Variants in FAM81A observed in about 807,000 individuals in gnomAD.
The protein encoded by FAM81A is protein FAM81A.
FAM81A carries 19 observed loss-of-function variants against 46.7 expected under a neutral mutation model. That is an observed-to-expected ratio of 0.41 (90% confidence interval 0.28 to 0.60). FAM81A has a LOEUF of 0.60. Among genes scored for constraint, FAM81A ranks in the 20% least tolerant of loss-of-function variants. The pLI, the probability that FAM81A is intolerant of heterozygous loss-of-function variation, is 0.34. For missense variants in FAM81A, 377 were observed against 453.5 expected (o/e 0.83, Z 1.53); for synonymous variants, 183 against 152.9 (o/e 1.20, Z -1.45).
intron 2 of FAM81A, among the ~76,000 whole-genome samples, chr15:59,426,970 A>T (rs28890483): frequency 6.6e-6 from 1 of 152,108 alleles, no homozygotes; most frequent in Non-Finnish European, 1.5e-5. Flanking sequence ...ACATATCACT[A>T]GTTCATCTAT....
At chr15:59,398,078 A>G (rs1052588977) in intron 1 of FAM81A, among the ~76,000 whole-genome samples, 12 of 152,170 alleles carry the variant, frequency 7.9e-5, no homozygotes, top group African/African-American at 1.7e-4. Context: ...CCTAGCGACT[A>G]TCAAGCCCGA....
intron 3 of FAM81A, among the ~76,000 whole-genome samples, chr15:59,466,664 C>T (rs1420088217): frequency 6.6e-6 from 1 of 152,100 alleles, no homozygotes; most frequent in Non-Finnish European, 1.5e-5. Context: ...GTTGCCTGTT[C>T]ACTCTGATGG....
In FAM81A at chr15:59,507,307, A is replaced by G; in HGVS notation, c.508A>G (p.Ile170Val). 6.2e-7 allele frequency: 1 copy of G among 1,612,678 alleles called. No individual in the cohort carries two copies. The change falls in exon 5 of 9, where the codon ATC becomes GTC. Residue 170 changes from isoleucine to valine, a missense_variant. Ile to Val is a conservative substitution (Grantham distance 29). Coordinates refer to ENST00000288228, the MANE Select transcript of FAM81A (RefSeq NM_152450.3). Reference protein sequence around the residue: ...LNKEQQAAKLILETKIKDAEG... With the variant: ...LNKEQQAAKLVLETKIKDAEG... The stretch of plus-strand genomic sequence containing the variant: ...CAAAGAACAGCAGGCTGCCAAACTT[A>G]TCTTGGAAACGAAAATCAAAGATGC...
rs903179789 is a variant in FAM81A, at chr15:59,402,044, C to A, written c.-160-232C>A. 11 of 548,020 alleles carry A rather than the reference C, an allele frequency of 2.0e-5. 1 individual carries two copies. In the South Asian group the frequency reaches 2.2e-4, roughly 11 times the overall value. 33.9% of individuals were successfully genotyped at this position (548,020 alleles called of 1,614,324 possible). On this transcript the variant is annotated intron_variant, in intron 1 of 4. Transcript: ENST00000558348. Reference sequence around the variant, plus strand: ...GCTGCCAGGAGCAGCCCCTGGGGTGCGAAAAACGCTCTCAATTTTCGGGTC... The same window carrying A: ...GCTGCCAGGAGCAGCCCCTGGGGTGAGAAAAACGCTCTCAATTTTCGGGTC...
chr15:59,439,495 G>C (rs543763418), intron 1 of FAM81A, among the ~76,000 whole-genome samples: 1 of 152,106 alleles, frequency 6.6e-6, no homozygotes, highest in Non-Finnish European at 1.5e-5. Context: ...CATATCCACT[G>C]TCTATAAACT....
At chr15:59,506,540 T>G (rs1356216595) in intron 4 of FAM81A, among the ~76,000 whole-genome samples, 2 of 152,232 alleles carry the variant, frequency 1.3e-5, no homozygotes, top group African/African-American at 4.8e-5. Flanking sequence ...AGCCAGCAGC[T>G]TCTTCTCAAC....
chr15:59,469,709 A>G (rs1179917732), intron 3 of FAM81A, among the ~76,000 whole-genome samples: 2 of 152,196 alleles, frequency 1.3e-5, no homozygotes, highest in African/African-American at 2.4e-5. Flanking sequence ...CATTTAGCCC[A>G]CTTACATTTA....
intron 2 of FAM81A, among the ~76,000 whole-genome samples, chr15:59,413,945 C>G (rs1424078018): frequency 6.6e-6 from 1 of 152,008 alleles, no homozygotes; most frequent in African/African-American, 2.4e-5. Context: ...CAAAGACGTC[C>G]ACATTCTAAT....
intron 5 of FAM81A, among the ~76,000 whole-genome samples, chr15:59,508,603 G>A: frequency 6.6e-6 from 1 of 152,182 alleles, no homozygotes; most frequent in Non-Finnish European, 1.5e-5. Context: ...GGTAGGAATT[G>A]GGCTTGCTCC....
At position 59,517,590 on chromosome 15, in the gene FAM81A, T is replaced by G. The variant is rs775314397; in HGVS notation, c.982+750T>G. ...TAAATTCTCTCCTAGCTTCTTCCAGTTGTATGATTCCATGAATTTTCTTCT... is the reference window on the plus strand; with the variant it reads ...TAAATTCTCTCCTAGCTTCTTCCAGGTGTATGATTCCATGAATTTTCTTCT... On this transcript the variant is annotated intron_variant, in intron 8 of 8. Coordinates refer to ENST00000288228, the MANE Select transcript of FAM81A (RefSeq NM_152450.3). Among the ~76,000 whole-genome samples the G allele has an allele frequency of 2.0e-5, 3 of 152,178 alleles. No individual in the cohort carries two copies. The South Asian group carries it at 6.2e-4, about 31-fold the overall frequency.
chr15:59,411,983 A>G (rs2081122617), intron 2 of FAM81A, among the ~76,000 whole-genome samples: 1 of 150,686 alleles, frequency 6.6e-6, no homozygotes, highest in African/African-American at 2.5e-5. Flanking sequence ...AGTGGGCAGA[A>G]AAAGAAACAA....
At chr15:59,458,423 A>G in intron 1 of FAM81A, 127 bp from the exon 2 acceptor site, 1 of 635,920 alleles carries the variant, frequency 1.6e-6, no homozygotes, top group Non-Finnish European at 2.7e-6. Context: ...GATACAAAAC[A>G]TTTAATAATA....
intron 1 of FAM81A, among the ~76,000 whole-genome samples, chr15:59,448,584 T>C (rs1476027247): frequency 6.6e-6 from 1 of 151,118 alleles, no homozygotes; most frequent in Non-Finnish European, 1.5e-5. Flanking sequence ...TCCACCTTGG[T>C]GGGTTTTTTT....
intron 3 of FAM81A, among the ~76,000 whole-genome samples, chr15:59,472,959 A>G (rs1220721188): frequency 6.6e-6 from 1 of 152,186 alleles, no homozygotes; most frequent in Non-Finnish European, 1.5e-5. Flanking sequence ...CCAGACGCTA[A>G]AAACTAAGCA....
At chr15:59,463,749 A>G (rs1425504802) in intron 3 of FAM81A, among the ~76,000 whole-genome samples, 1 of 57,194 alleles carries the variant, frequency 1.7e-5, no homozygotes, top group Non-Finnish European at 3.2e-5. Context: ...GAGAGTTGCC[A>G]TCTTAATTAC....
intron 2 of FAM81A, among the ~76,000 whole-genome samples, chr15:59,427,568 A>G (rs2081200670): frequency 6.6e-6 from 1 of 151,968 alleles, no homozygotes; most frequent in Non-Finnish European, 1.5e-5. Context: ...TCTCCTTCCT[A>G]GCATCTGGTA....
chr15:59,458,717 G>A, intron 2 of FAM81A, 71 bp downstream of exon 2: 2 of 1,425,284 alleles, frequency 1.4e-6, no homozygotes, highest in Non-Finnish European at 2.0e-6. Context: ...CAAAGCTTGG[G>A]CTGTTACATT....
intron 4 of FAM81A, among the ~76,000 whole-genome samples, chr15:59,502,942 T>C (rs2082110576): frequency 6.6e-6 from 1 of 152,012 alleles, no homozygotes; most frequent in South Asian, 2.1e-4. Context: ...GAATCAGAAA[T>C]GCAATTAAAT....
chr15:59,459,586 T>G (rs1170105357), intron 2 of FAM81A, among the ~76,000 whole-genome samples: 1 of 152,104 alleles, frequency 6.6e-6, no homozygotes, highest in Non-Finnish European at 1.5e-5. Flanking sequence ...AACCACTGTT[T>G]CAGAGAGGGA....
Sources: allele counts gnomAD v4.1 joint callset (sites outside exome capture counted in the v4.1 genomes callset), GRCh38; gene constraint gnomAD v4.1.1; transcripts MANE v1.5; gene names NCBI Gene and HGNC (gene_info 2026-07-23, HGNC 2026-07-21).